Variants in PCDHGB5 observed in about 807,000 individuals in gnomAD.
PCDHGB5 encodes protocadherin gamma subfamily B, 5, also known as protocadherin gamma-B5.
Under a neutral mutation model 62.9 loss-of-function variants are expected in PCDHGB5, and 48 were observed. That is an observed-to-expected ratio of 0.76 (90% CI 0.61 to 0.97). The LOEUF (loss-of-function observed/expected upper bound fraction) is 0.97. Among genes scored for constraint, PCDHGB5 ranks in the 50% least tolerant of loss-of-function variants. The probability of loss-of-function intolerance (pLI) is 0.00; values close to 1 mark genes in which losing one functional copy is unlikely to be tolerated. For synonymous variants in PCDHGB5, 474 were observed against 511.2 expected (o/e 0.93, Z 0.98); for missense variants, 1,118 against 1,198.6 (o/e 0.93, Z 0.99).
chr5:141,422,226 G>A (rs766346054), intron 1 of PCDHGB5: 1 of 1,565,844 alleles, frequency 6.4e-7, no homozygotes, highest in East Asian at 2.2e-5. Flanking sequence ...CCACCACGAC[G>A]ATGTTGATCA....
At chr5:141,427,484 T>C (rs766997973) in intron 1 of PCDHGB5, 7 of 539,726 alleles carry the variant, frequency 1.3e-5, no homozygotes, top group Non-Finnish European at 2.5e-5. Context: ...ATAATGACTA[T>C]AAGCTTGTAA....
chr5:141,413,286 C>G, intron 1 of PCDHGB5: 1 of 1,613,968 alleles, frequency 6.2e-7, no homozygotes, highest in Non-Finnish European at 8.5e-7. Flanking sequence ...AGATCTCCTA[C>G]TCAATTCCTG....
At chr5:141,484,362 A>T (rs1460176695) in intron 1 of PCDHGB5, among the ~76,000 whole-genome samples, 1 of 152,196 alleles carries the variant, frequency 6.6e-6, no homozygotes, top group Non-Finnish European at 1.5e-5. Context: ...TATCTAGTGT[A>T]TCACTAGCAA....
At chr5:141,403,672 G>A in intron 1 of PCDHGB5, 1 of 1,613,846 alleles carries the variant, frequency 6.2e-7, no homozygotes, top group Non-Finnish European at 8.5e-7. Context: ...ATAATGCCCC[G>A]GTTTTTGCTC....
At chr5:141,426,826 T>C (rs2096963111) in intron 1 of PCDHGB5, 1 of 456,600 alleles carries the variant, frequency 2.2e-6, no homozygotes, top group Admixed American at 2.3e-5. Flanking sequence ...TCTCTGATGA[T>C]GGACAAGACT....
At chr5:141,495,193 T>G (rs1471524188) in intron 2 of PCDHGB5, among the ~76,000 whole-genome samples, 2 of 152,192 alleles carry the variant, frequency 1.3e-5, no homozygotes, top group Non-Finnish European at 2.9e-5. Flanking sequence ...TCTATGCCCA[T>G]GTACTGCCTA....
Position 141,398,866 on chromosome 5 carries a change from T to C in PCDHGB5, c.739T>C (p.Tyr247His). Residue 247 changes from tyrosine to histidine, a missense_variant, in exon 1 of 4, where the codon TAC (tyrosine) becomes CAC (histidine). Physicochemically the swap from Tyr to His is moderately conservative, Grantham distance 83. Coordinates refer to ENST00000617380, the MANE Select transcript of PCDHGB5 (RefSeq NM_018925.3). Reference protein sequence around the residue: ...DNPPVFNRDVYRVSLRENVPP... With the variant: ...DNPPVFNRDVHRVSLRENVPP... The stretch of plus-strand genomic sequence containing the variant: ...TCCCCCGGTATTCAACCGAGACGTG[T>C]ACAGAGTCAGCCTTCGGGAAAACGT... 1 of 1,613,962 alleles carries C rather than the reference T, an allele frequency of 6.2e-7. No homozygotes were observed. The highest frequency in any genetic ancestry group is 8.5e-7 in the Non-Finnish European group (1 of 1,179,902).
chr5:141,438,641 C>CAT (rs2098042490), intron 1 of PCDHGB5, among the ~76,000 whole-genome samples: 2 of 79,354 alleles, frequency 2.5e-5, no homozygotes, highest in Non-Finnish European at 4.5e-5. Context: ...TATATACACA[C>CAT]ACACACACAC....
chr5:141,433,221 A>G, intron 1 of PCDHGB5: 1 of 1,475,672 alleles, frequency 6.8e-7, no homozygotes, highest in African/African-American at 1.4e-5. Context: ...TTTTTTTTTT[A>G]ATTGCTCTGT....
chr5:141,414,550 G>C, intron 1 of PCDHGB5: 1 of 1,613,948 alleles, frequency 6.2e-7, no homozygotes, highest in Non-Finnish European at 8.5e-7. Context: ...CTTCTCTCAA[G>C]TCTCCTACTT....
Position 141,476,209 on chromosome 5 carries a change from G to T in PCDHGB5, c.2398-18598G>T, listed in dbSNP as rs749576231. On this transcript the variant is annotated intron_variant, in intron 1 of 3. Coordinates refer to ENST00000617380, the MANE Select transcript of PCDHGB5 (RefSeq NM_018925.3). The surrounding 1 kb of genome is among the most constrained non-coding windows in gnomAD (Gnocchi z 7.6). ...TTGGTGCCTTGAACAAGGCTTCCAC[G>T]GTCATTCACTATGAGATCCCGGAGG... The T allele has an allele frequency of 6.2e-6, 10 of 1,613,974 alleles. No individual in the cohort carries two copies. Among genetic ancestry groups the T allele is most frequent in the Non-Finnish European group, 8.5e-6 (10 of 1,180,026 alleles).
At chr5:141,470,957 TCCTCCCACCTCAG>T (rs2099244488) in intron 1 of PCDHGB5, among the ~76,000 whole-genome samples, 1 of 152,026 alleles carries the variant, frequency 6.6e-6, no homozygotes, top group South Asian at 2.1e-4. Flanking sequence ...CCTCAAGTGA[TCCTCCCACCTCAG>T]CCTCCCAAAG....
At position 141,399,653 on chromosome 5, in the gene PCDHGB5, TG is replaced by T; in HGVS notation, c.1528del (p.Val510CysfsTer33). 1 of 1,613,606 alleles carries T rather than the reference TG, an allele frequency of 6.2e-7. No individual in the cohort carries two copies. The highest frequency in any genetic ancestry group is 8.5e-7 in the Non-Finnish European group (1 of 1,179,858). On this transcript the variant is annotated frameshift_variant, in exon 1 of 4. Transcript: ENST00000617380. LOFTEE classifies it high-confidence loss of function. ...SYVSMSAQSG[V>X]VFAQRAFDYE... is the part of the protein sequence containing the mutation. ...GTGTCCATGAGCGCGCAAAGTGGGGTGGTGTTCGCGCAGCGCGCCTTTGACT... is the reference window on the plus strand; with the variant it reads ...GTGTCCATGAGCGCGCAAAGTGGGGTGTGTTCGCGCAGCGCGCCTTTGACT...
intron 1 of PCDHGB5, chr5:141,423,880 G>T: frequency 7.8e-7 from 1 of 1,282,292 alleles, no homozygotes; most frequent in Non-Finnish European, 9.9e-7. Flanking sequence ...TTTCAATCTT[G>T]GCATATTTTC....
chr5:141,412,902 T>G, intron 1 of PCDHGB5: 1 of 371,284 alleles, frequency 2.7e-6, no homozygotes, highest in East Asian at 4.2e-5. Flanking sequence ...TACTTTCCAT[T>G]GCATGTATCA....
intron 1 of PCDHGB5, among the ~76,000 whole-genome samples, chr5:141,471,035 G>A (rs2099247157): frequency 7.1e-6 from 1 of 141,386 alleles, no homozygotes; most frequent in Admixed American, 7.1e-5. Flanking sequence ...TTATTAACAA[G>A]CCCAAGCCCT....
intron 1 of PCDHGB5, among the ~76,000 whole-genome samples, chr5:141,463,736 G>A (rs757788192): frequency 1.3e-5 from 2 of 151,992 alleles, no homozygotes; most frequent in East Asian, 3.9e-4. Flanking sequence ...ATGAGCCACC[G>A]CGCCCGGCCT....
rs774079222 is a variant in PCDHGB5, at chr5:141,491,314, C to G, written c.2398-3493C>G. On this transcript the variant is annotated intron_variant, in intron 1 of 3. Transcript: ENST00000617380. The surrounding 1 kb of genome is among the most constrained non-coding windows in gnomAD (Gnocchi z 6.9). ...CCCTCCTGAGCGTTCAGACCTTACC[C>G]TTTACCTCATTGTGGCTCTAGCGAC... is the stretch of plus-strand genomic sequence containing the variant. 6 of 1,614,064 alleles carry G rather than the reference C, an allele frequency of 3.7e-6. No individual in the cohort carries two copies. In the South Asian group the frequency reaches 5.5e-5, roughly 15 times the overall value.
intron 1 of PCDHGB5, among the ~76,000 whole-genome samples, chr5:141,451,854 C>T (rs1243479409): frequency 6.6e-6 from 1 of 152,058 alleles, no homozygotes; most frequent in Non-Finnish European, 1.5e-5. Flanking sequence ...CCACTCCAGC[C>T]TAGGCCACAG....
Sources: allele counts gnomAD v4.1 joint callset (sites outside exome capture counted in the v4.1 genomes callset), GRCh38; gene constraint gnomAD v4.1.1; non-coding constraint Gnocchi (gnomAD v3.1); transcripts MANE v1.5; gene names NCBI Gene and HGNC (gene_info 2026-07-23, HGNC 2026-07-21).